Variants in AGBL1 observed in about 807,000 individuals in gnomAD.
AGBL1 encodes the protein AGBL carboxypeptidase 1.
AGBL1 carries 130 observed loss-of-function variants against 118.9 expected under a neutral mutation model. That is an observed-to-expected ratio of 1.09 (90% CI 0.95 to 1.26). AGBL1 has a LOEUF of 1.26. Ranked by LOEUF, AGBL1 falls within the 50% of genes most tolerant of loss-of-function variation. The pLI is 0.00. For synonymous variants in AGBL1, 555 were observed against 478.9 expected, an observed-to-expected ratio of 1.16 and a Z score of -2.08; for missense variants, 1,584 against 1,298.1, an observed-to-expected ratio of 1.22 and a Z score of -3.38.
rs1055918994 is a variant in AGBL1, at chr15:86,079,920, T to C, written c.-53T>C. On this transcript the variant is annotated 5_prime_UTR_variant, in exon 1 of 23. Coordinates refer to ENST00000614907, the MANE Select transcript of AGBL1 (RefSeq NM_001386094.1). Reference sequence around the variant, plus strand: ...CGAGGTCAGCTTGGCAGCCGCTGCCTCTCCAGCCTGGATCTGGCCGCAGGC... The same window carrying C: ...CGAGGTCAGCTTGGCAGCCGCTGCCCCTCCAGCCTGGATCTGGCCGCAGGC... The C allele has an allele frequency of 2.6e-5, 32 of 1,221,534 alleles. No homozygotes were observed. The highest frequency in any genetic ancestry group is 3.2e-5 in the Non-Finnish European group (31 of 978,116). 75.7% of individuals were successfully genotyped at this position (1,221,534 alleles called of 1,614,324 possible). A position where few individuals can be genotyped will look rare whatever the true frequency, so the allele number is the denominator to read the frequency against.
At chr15:86,713,338 T>G (rs937888934) in intron 22 of AGBL1, among the ~76,000 whole-genome samples, 1 of 152,290 alleles carries the variant, frequency 6.6e-6, no homozygotes, top group African/African-American at 2.4e-5. Flanking sequence ...GTGTATGTTA[T>G]GAAGCGTTGC....
chr15:86,387,139 T>C (rs2081209721), intron 17 of AGBL1, among the ~76,000 whole-genome samples: 2 of 152,168 alleles, frequency 1.3e-5, no homozygotes, highest in South Asian at 4.1e-4. Flanking sequence ...GCATAGATGA[T>C]GTTACATCTA....
At chr15:86,775,740 A>G (rs919652373) in intron 22 of AGBL1, among the ~76,000 whole-genome samples, 1 of 152,178 alleles carries the variant, frequency 6.6e-6, no homozygotes, top group South Asian at 2.1e-4. Context: ...AGCTATTACT[A>G]TATTTTATAT....
At chr15:86,458,459 C>G (rs1006331477) in intron 18 of AGBL1, among the ~76,000 whole-genome samples, 1 of 152,134 alleles carries the variant, frequency 6.6e-6, no homozygotes, top group African/African-American at 2.4e-5. Context: ...ACAATTGGAT[C>G]TAATTTATAG....
chr15:86,762,944 A>G (rs980388515), intron 22 of AGBL1, among the ~76,000 whole-genome samples: 1 of 152,016 alleles, frequency 6.6e-6, no homozygotes. Flanking sequence ...AGACAGAAAC[A>G]GAGAAGGGAA....
intron 1 of AGBL1, among the ~76,000 whole-genome samples, chr15:86,134,464 C>G (rs2076858515): frequency 6.6e-6 from 1 of 152,082 alleles, no homozygotes; most frequent in Admixed American, 6.6e-5. Context: ...AGATCAGGGG[C>G]ACTACTCAAA....
intron 15 of AGBL1, among the ~76,000 whole-genome samples, chr15:86,273,018 G>T (rs1285449138): frequency 6.6e-6 from 1 of 152,178 alleles, no homozygotes. Flanking sequence ...GGTGTGTCAA[G>T]AATGACTTTT....
rs16948654 is a variant in AGBL1, at chr15:86,142,440, G to T, written c.115+373G>T. Among the ~76,000 whole-genome samples the T allele has an allele frequency of 7.7e-3, 1,177 of 152,282 alleles. 25 individuals are homozygous for T. Among genetic ancestry groups the T allele is most frequent in the African/African-American group, 0.027 (1,123 of 41,552 alleles). Reference sequence around the variant, plus strand: ...TATCAGGCAGAAGCTGAACTTGAAAGCATGTAAGCATCACGTTTTCAGAGA... The same window carrying T: ...TATCAGGCAGAAGCTGAACTTGAAATCATGTAAGCATCACGTTTTCAGAGA... On this transcript the variant is annotated intron_variant, in intron 2 of 22. Transcript: ENST00000614907.
intron 18 of AGBL1, among the ~76,000 whole-genome samples, chr15:86,429,063 A>G (rs2081901311): frequency 6.6e-6 from 1 of 152,196 alleles, no homozygotes. Context: ...CACATAGACA[A>G]TATCCTTTCC....
chr15:86,230,962 C>G (rs904556861), intron 6 of AGBL1, among the ~76,000 whole-genome samples: 1 of 152,138 alleles, frequency 6.6e-6, no homozygotes, highest in Admixed American at 6.5e-5. Flanking sequence ...CTCCCCCATC[C>G]CCCTTATTTT....
chr15:86,362,942 C>G (rs1461396334), intron 17 of AGBL1, among the ~76,000 whole-genome samples: 5 of 152,138 alleles, frequency 3.3e-5, no homozygotes, highest in Non-Finnish European at 7.4e-5. Flanking sequence ...GCAGTTTAAC[C>G]AAGGGCTTAA....
At chr15:86,718,112 GA>G (rs993078019) in intron 22 of AGBL1, among the ~76,000 whole-genome samples, 1 of 152,000 alleles carries the variant, frequency 6.6e-6, no homozygotes, top group African/African-American at 2.4e-5. Flanking sequence ...AGAAACAGGA[GA>G]AAAAATATTA....
intron 1 of AGBL1, among the ~76,000 whole-genome samples, chr15:86,112,746 A>T (rs1897473814): frequency 6.6e-6 from 1 of 152,168 alleles, no homozygotes; most frequent in Non-Finnish European, 1.5e-5. Context: ...TCTCACCCTC[A>T]CCAGGGCTGG....
At chr15:86,916,380 C>T (rs1034575060), downstream of AGBL1, among the ~76,000 whole-genome samples, 12 of 151,774 alleles carry the variant, frequency 7.9e-5, no homozygotes, top group Non-Finnish European at 1.2e-4. Context: ...CCTGTGAGAA[C>T]GATGAAAGGA....
intron 23 of AGBL1, among the ~76,000 whole-genome samples, chr15:86,925,158 G>A (rs774341245): frequency 0.018 from 427 of 23,150 alleles, 5 homozygotes; most frequent in African/African-American, 0.035. Flanking sequence ...AGGAGGAGGA[G>A]GAGGAGGAGG....
chr15:86,825,733 T>G (rs7497918), intron 22 of AGBL1, among the ~76,000 whole-genome samples: 4,396 of 122,506 alleles, frequency 0.036, 198 homozygotes, highest in African/African-American at 0.12. Context: ...GGGAGGGAGG[T>G]AGGGAAAGAA....
intron 1 of AGBL1, among the ~76,000 whole-genome samples, chr15:86,102,200 C>G (rs1896774748): frequency 6.6e-6 from 1 of 152,028 alleles, no homozygotes; most frequent in South Asian, 2.1e-4. Context: ...ACCAGCATGC[C>G]CAGCTTATTT....
At chr15:86,409,507 C>T (rs1270003323) in intron 18 of AGBL1, among the ~76,000 whole-genome samples, 3 of 152,108 alleles carry the variant, frequency 2.0e-5, no homozygotes, top group African/African-American at 7.2e-5. Context: ...AGCTTGAGGA[C>T]TCCATTTGCC....
chr15:86,525,077 A>G (rs193288668), intron 19 of AGBL1, among the ~76,000 whole-genome samples: 1 of 152,262 alleles, frequency 6.6e-6, no homozygotes, highest in Admixed American at 6.5e-5. Context: ...ATCAATGTAC[A>G]CTAATCAATA....
Sources: gnomAD v4.1 joint callset for allele counts (sites outside exome capture counted in the v4.1 genomes callset) on GRCh38, gnomAD v4.1.1 for gene constraint, MANE v1.5 for transcripts, NCBI Gene and HGNC (gene_info 2026-07-23, HGNC 2026-07-21) for gene names.